ZNF385D: variants seen among roughly 807,000 people sequenced by gnomAD.
The protein encoded by ZNF385D is zinc finger protein 659.
Under a neutral mutation model 35.8 loss-of-function variants are expected in ZNF385D, and 15 were observed. The ratio of observed to expected loss-of-function variants is 0.42; its 90% confidence interval spans 0.28 to 0.64. The LOEUF is 0.64. Ranked by LOEUF, ZNF385D falls within the 30% of genes least tolerant of loss-of-function variation. ZNF385D has a pLI of 0.23. For synonymous variants in ZNF385D, 212 were observed against 186.8 expected (o/e 1.13, Z -1.10); for missense variants, 474 against 494.6 (o/e 0.96, Z 0.39).
intron 3 of ZNF385D, among the ~76,000 whole-genome samples, chr3:22,139,119 G>A (rs1704334489): frequency 6.6e-6 from 1 of 152,120 alleles, no homozygotes; most frequent in Non-Finnish European, 1.5e-5. Flanking sequence ...GAAACAACAG[G>A]TACTGGAGAG....
intron 4 of ZNF385D, among the ~76,000 whole-genome samples, chr3:21,491,217 T>G (rs1317195898): frequency 2.2e-4 from 2 of 9,080 alleles, no homozygotes; most frequent in East Asian, 0.019. Context: ...ATAAAGGGGT[T>G]TTTTTTTTGG....
At chr3:22,056,705 C>A (rs941833647) in intron 3 of ZNF385D, among the ~76,000 whole-genome samples, 44 of 152,162 alleles carry the variant, frequency 2.9e-4, no homozygotes, top group Admixed American at 2.6e-3. Flanking sequence ...GTGTAACAAT[C>A]CACAGAAAAA....
intron 1 of ZNF385D, among the ~76,000 whole-genome samples, chr3:21,705,907 T>A (rs764990822): frequency 4.6e-5 from 7 of 152,316 alleles, no homozygotes; most frequent in Non-Finnish European, 8.8e-5. Flanking sequence ...CACCAAGCTC[T>A]GGTTGCCAAA....
chr3:21,439,050 A>G (rs1043837784), intron 4 of ZNF385D, among the ~76,000 whole-genome samples: 11 of 152,140 alleles, frequency 7.2e-5, no homozygotes, highest in Non-Finnish European at 1.2e-4. Context: ...GTGTGTATGC[A>G]TCTGTGAATA....
rs547039819 is a variant in ZNF385D, at chr3:21,991,237, G to C, written c.325+177580C>G. On this transcript the variant is annotated intron_variant, in intron 3 of 5. Coordinates refer to the ZNF385D transcript ENST00000494108. ...GAAATGCTGGCATTTTAGATGGAAA[G>C]CAGTTGTACTTCTGGCAAAGATCGT... Among the ~76,000 whole-genome samples, 315 of 152,254 alleles carry C rather than the reference G, an allele frequency of 2.1e-3. 1 individual carries two copies. Among genetic ancestry groups the C allele is most frequent in the Non-Finnish European group, 3.3e-3 (221 of 67,998 alleles).
At chr3:21,444,703 G>A (rs1678734289) in intron 4 of ZNF385D, among the ~76,000 whole-genome samples, 1 of 152,110 alleles carries the variant, frequency 6.6e-6, no homozygotes, top group Admixed American at 6.6e-5. Context: ...CCCTATTGAT[G>A]CCAAAGATCA....
intron 2 of ZNF385D, among the ~76,000 whole-genome samples, chr3:22,293,388 C>T (rs1702403532): frequency 6.6e-6 from 1 of 151,968 alleles, no homozygotes; most frequent in African/African-American, 2.4e-5. Flanking sequence ...ATAAATTATA[C>T]ATCTTCTTTT....
chr3:22,194,969 G>A (rs1405181961), intron 2 of ZNF385D, among the ~76,000 whole-genome samples: 1 of 151,722 alleles, frequency 6.6e-6, no homozygotes, highest in Non-Finnish European at 1.5e-5. Context: ...GTGAATTTAA[G>A]TTTTTATTTA....
intron 2 of ZNF385D, among the ~76,000 whole-genome samples, chr3:22,287,596 A>C (rs1187294187): frequency 6.6e-6 from 1 of 151,870 alleles, no homozygotes; most frequent in Non-Finnish European, 1.5e-5. Flanking sequence ...GGCTATTTTA[A>C]ACTAATAAAA....
In ZNF385D at chr3:22,307,450, C is replaced by G. The variant is rs543008889; in HGVS notation, c.106+65000G>C. ...TGATAGCAGTGGTTTAAAGTTATAT[C>G]CACATGGAAATAAGAATTGAAGGCA... On this transcript the variant is annotated intron_variant, in intron 2 of 5. Transcript: ENST00000494108. Among the ~76,000 whole-genome samples the G allele has an allele frequency of 2.6e-5, 4 of 152,128 alleles. No individual in the cohort carries two copies. The East Asian group carries it at 7.7e-4, about 29-fold the overall frequency.
intron 3 of ZNF385D, among the ~76,000 whole-genome samples, chr3:21,764,802 T>C (rs1399266805): frequency 6.6e-6 from 1 of 152,114 alleles, no homozygotes; most frequent in Admixed American, 6.6e-5. Context: ...GAAATGACAC[T>C]TTGAGGAAAA....
At chr3:22,017,439 T>C (rs534669641) in intron 3 of ZNF385D, among the ~76,000 whole-genome samples, 2 of 152,064 alleles carry the variant, frequency 1.3e-5, no homozygotes, top group Non-Finnish European at 2.9e-5. Flanking sequence ...GTATCTCTTG[T>C]AAAGAAATCA....
chr3:22,261,592 C>T (rs750282275), intron 2 of ZNF385D, among the ~76,000 whole-genome samples: 20 of 151,970 alleles, frequency 1.3e-4, no homozygotes, highest in East Asian at 1.9e-4. Context: ...GCCTTATGGT[C>T]TTCTTCCAAA....
intron 4 of ZNF385D, among the ~76,000 whole-genome samples, chr3:21,508,203 C>T (rs977578123): frequency 6.6e-6 from 1 of 152,142 alleles, no homozygotes; most frequent in Non-Finnish European, 1.5e-5. Context: ...ATCATCTCAA[C>T]ACCATTTCCA....
chr3:21,943,525 G>T (rs1701634628), intron 3 of ZNF385D, among the ~76,000 whole-genome samples: 2 of 151,266 alleles, frequency 1.3e-5, no homozygotes, highest in African/African-American at 2.4e-5. Context: ...ATTTTAACTG[G>T]GAAATTAGTT....
intron 3 of ZNF385D, among the ~76,000 whole-genome samples, chr3:22,075,339 C>T (rs575739977): frequency 6.6e-6 from 1 of 151,882 alleles, no homozygotes; most frequent in African/African-American, 2.4e-5. Flanking sequence ...GTGCAATCAC[C>T]TCTCCTCCCT....
At chr3:22,048,621 A>G (rs1177032863) in intron 3 of ZNF385D, among the ~76,000 whole-genome samples, 2 of 152,182 alleles carry the variant, frequency 1.3e-5, no homozygotes, top group Non-Finnish European at 2.9e-5. Flanking sequence ...TTTTTGTAAC[A>G]GTACCATGTT....
intron 3 of ZNF385D, among the ~76,000 whole-genome samples, chr3:21,973,651 T>C (rs1007028909): frequency 3.3e-5 from 5 of 152,058 alleles, no homozygotes; most frequent in African/African-American, 1.2e-4. Context: ...TGTTTGCAGA[T>C]GATATGATTT....
At chr3:22,140,175 A>G (rs6765611) in intron 3 of ZNF385D, among the ~76,000 whole-genome samples, 65,062 of 152,076 alleles carry the variant, frequency 0.43, 15,241 homozygotes, top group East Asian at 0.8. Context: ...GTAATATTCA[A>G]AAGTCTTTCA....
Sources: allele counts gnomAD v4.1 joint callset (sites outside exome capture counted in the v4.1 genomes callset), GRCh38; gene constraint gnomAD v4.1.1; transcripts MANE v1.5; gene names NCBI Gene and HGNC (gene_info 2026-07-23, HGNC 2026-07-21).